COLEC10: variants seen among roughly 807,000 people sequenced by gnomAD.
COLEC10 encodes collectin subfamily member 10, also known as collectin-10.
Under a neutral mutation model 28.4 loss-of-function variants are expected in COLEC10, and 22 were observed. The ratio of observed to expected loss-of-function variants is 0.78; its 90% CI spans 0.55 to 1.11. The LOEUF (loss-of-function observed/expected upper bound fraction) is 1.11. COLEC10 is among the 50% of genes least tolerant of loss of function. The pLI is 0.00. For missense variants in COLEC10, 361 were observed against 344.1 expected (o/e 1.05, Z -0.39); for synonymous variants, 125 against 116.1 (o/e 1.08, Z -0.49).
chr8:119,010,389 A>G (rs1044252302), intron 2 of COLEC10, among the ~76,000 whole-genome samples: 1 of 150,896 alleles, frequency 6.6e-6, no homozygotes, highest in Non-Finnish European at 1.5e-5. Context: ...GACATACTAC[A>G]ATTTACTTAT....
the COLEC10 span, among the ~76,000 whole-genome samples, chr8:118,952,758 GA>G: frequency 6.6e-6 from 1 of 152,156 alleles, no homozygotes; most frequent in Non-Finnish European, 1.5e-5. Context: ...TAGCCTCCTC[GA>G]GGTCTTTCCA....
intron 1 of COLEC10, among the ~76,000 whole-genome samples, chr8:119,078,889 CT>C (rs1815307913): frequency 6.6e-6 from 1 of 152,056 alleles, no homozygotes; most frequent in East Asian, 1.9e-4. Context: ...TTCTAACTCA[CT>C]TTGTACTGAA....
upstream of COLEC10, among the ~76,000 whole-genome samples, chr8:118,991,460 C>T (rs531063762): frequency 1.2e-4 from 18 of 152,222 alleles, no homozygotes; most frequent in South Asian, 1.7e-3. Flanking sequence ...GTAGATTCCC[C>T]TTCTGAAGAT....
intron 2 of COLEC10, among the ~76,000 whole-genome samples, chr8:119,049,729 C>A (rs968740055): frequency 1.3e-5 from 2 of 152,056 alleles, no homozygotes; most frequent in African/African-American, 4.8e-5. Flanking sequence ...TTTCTTTTAA[C>A]ACTTATTATA....
the COLEC10 span, among the ~76,000 whole-genome samples, chr8:118,977,076 C>T: frequency 1.5e-4 from 22 of 150,052 alleles, no homozygotes; most frequent in African/African-American, 2.7e-4. Flanking sequence ...GTTAGAATGG[C>T]GATCATTCAA....
intron 2 of COLEC10, among the ~76,000 whole-genome samples, chr8:119,089,974 G>C (rs906889415): frequency 6.6e-6 from 1 of 152,116 alleles, no homozygotes; most frequent in African/African-American, 2.4e-5. Context: ...AGGGCTGGCT[G>C]GTGTGGGACA....
chr8:118,995,171 T>G (rs1813568839), upstream of COLEC10, among the ~76,000 whole-genome samples: 1 of 152,204 alleles, frequency 6.6e-6, no homozygotes, highest in African/African-American at 2.4e-5. Context: ...TATATTTCTT[T>G]CACTATTGAT....
At chr8:119,068,849 G>A (rs938125062) in intron 1 of COLEC10, 3 of 151,948 alleles carry the variant, frequency 2.0e-5, no homozygotes, top group African/African-American at 7.3e-5. Flanking sequence ...AACTAAGTCT[G>A]TTATGTTCTT....
intron 5 of COLEC10, among the ~76,000 whole-genome samples, chr8:119,104,951 C>G (rs1373938179): frequency 1.3e-5 from 2 of 152,074 alleles, no homozygotes; most frequent in Non-Finnish European, 2.9e-5. Flanking sequence ...AACATACATG[C>G]CATATTATGA....
At chr8:119,096,482 T>C (rs1424803896) in intron 3 of COLEC10, among the ~76,000 whole-genome samples, 1 of 152,066 alleles carries the variant, frequency 6.6e-6, no homozygotes, top group Admixed American at 6.6e-5. Context: ...TCCCAGCTAC[T>C]TGGGAGCCTG....
Position 119,106,157 on chromosome 8 carries a change from A to G in COLEC10, c.800A>G (p.Tyr267Cys). Reference sequence around the variant, plus strand: ...GACACAGAGTGCCATCTTACCATGTACTTTGTCTGTGAGTTCATCAAGAAG... The same window carrying G: ...GACACAGAGTGCCATCTTACCATGTGCTTTGTCTGTGAGTTCATCAAGAAG... The part of the protein sequence containing the change: ...WNDTECHLTM[Y>C]FVCEFIKKKK The change falls in exon 6 of 6, where the codon TAC becomes TGC. Residue 267 changes from tyrosine to cysteine, a missense_variant. Coordinates refer to ENST00000332843, the MANE Select transcript of COLEC10 (RefSeq NM_006438.5). 2 of 1,606,080 alleles carry G rather than the reference A, an allele frequency of 1.2e-6. No individual in the cohort carries two copies. Among genetic ancestry groups the G allele is most frequent in the Non-Finnish European group, 1.7e-6 (2 of 1,173,480 alleles).
chr8:119,030,949 A>G (rs1814276367), intron 2 of COLEC10, among the ~76,000 whole-genome samples: 1 of 152,204 alleles, frequency 6.6e-6, no homozygotes, highest in Admixed American at 6.5e-5. Context: ...TAACAGTATC[A>G]CACTCTGTTG....
In COLEC10 at chr8:119,089,747, G is replaced by A. The variant is rs116835812; in HGVS notation, c.216G>A (p.Pro72=). ...GKHGKVGRMG[P]KGIKGELGDM... is the part of the protein sequence containing the mutation. ...ATGGCAAAGTGGGACGCATGGGGCCGAAAGGTAACTAAAATGATGTGAAAC... is the reference window on the plus strand; with the variant it reads ...ATGGCAAAGTGGGACGCATGGGGCCAAAAGGTAACTAAAATGATGTGAAAC... The change falls in exon 2 of 6, where the codon CCG becomes CCA. Residue 72 remains proline (P), a synonymous_variant. Transcript: ENST00000332843. 1,834 of 1,612,090 alleles carry A rather than the reference G, an allele frequency of 1.1e-3. 17 individuals carry two copies. In the African/African-American group the frequency reaches 0.022, roughly 20 times the overall value.
intron 2 of COLEC10, among the ~76,000 whole-genome samples, chr8:119,048,475 A>C (rs1234327812): frequency 6.6e-6 from 1 of 152,208 alleles, no homozygotes; most frequent in East Asian, 1.9e-4. Flanking sequence ...GTGGTTGTCT[A>C]AGTCTTTTTA....
intron 1 of COLEC10, among the ~76,000 whole-genome samples, chr8:119,076,883 CAGTGTGGCAGCA>C (rs1815250205): frequency 6.6e-6 from 1 of 152,174 alleles, no homozygotes; most frequent in African/African-American, 2.4e-5. Flanking sequence ...TTGAGGGATG[CAGTGTGGCAGCA>C]AGTGTGAAAA....
At chr8:118,963,253 C>T in the COLEC10 span, among the ~76,000 whole-genome samples, 1 of 152,168 alleles carries the variant, frequency 6.6e-6, no homozygotes, top group Non-Finnish European at 1.5e-5. Context: ...TACCCATTTT[C>T]CAAATTAGGA....
chr8:118,995,605 C>T (rs184354226), intron 1 of COLEC10: 2 of 152,186 alleles, frequency 1.3e-5, no homozygotes, highest in East Asian at 3.9e-4. Flanking sequence ...ACTCTGGGCT[C>T]CTGGTGCATG....
chr8:119,022,016 C>A (rs1814107335), intron 2 of COLEC10, among the ~76,000 whole-genome samples: 1 of 152,156 alleles, frequency 6.6e-6, no homozygotes, highest in Non-Finnish European at 1.5e-5. Context: ...TTGTCAAGAC[C>A]ATTTTATAGT....
intron 1 of COLEC10, among the ~76,000 whole-genome samples, chr8:119,083,932 G>A (rs1815416364): frequency 6.6e-6 from 1 of 152,134 alleles, no homozygotes; most frequent in Non-Finnish European, 1.5e-5. Flanking sequence ...TGAGCTTTCA[G>A]AGCAACGTTG....
Sources: allele counts gnomAD v4.1 joint callset (sites outside exome capture counted in the v4.1 genomes callset), GRCh38; gene constraint gnomAD v4.1.1; transcripts MANE v1.5; gene names NCBI Gene and HGNC (gene_info 2026-07-23, HGNC 2026-07-21).